The following DOK6 variants were observed in gnomAD, a reference collection of about 807,000 sequenced individuals.
DOK6 encodes the protein docking protein 6, also known as downstream of tyrosine kinase 6.
A neutral mutation model predicts 44.0 loss-of-function variants in DOK6; 22 were observed. The observed-to-expected ratio is 0.50, with a 90% CI of 0.36 to 0.71. The LOEUF (loss-of-function observed/expected upper bound fraction) is 0.71, where lower values mean the gene tolerates loss of function less well. Among genes scored for constraint, DOK6 ranks in the 30% least tolerant of loss-of-function variants. DOK6 has a pLI of 0.00. For synonymous variants in DOK6, 166 were observed against 145.5 expected (o/e 1.14, Z -1.01); for missense variants, 340 against 416.4 (o/e 0.82, Z 1.60).
chr18:69,693,312 G>GA (rs10554189), intron 4 of DOK6, among the ~76,000 whole-genome samples: 47,678 of 125,852 alleles, frequency 0.38, 9,120 homozygotes, highest in East Asian at 0.71. Flanking sequence ...CTTCTTTGAA[G>GA]AAAAAAAAAA....
chr18:69,652,834 G>T (rs138841947), intron 3 of DOK6, among the ~76,000 whole-genome samples: 1 of 151,908 alleles, frequency 6.6e-6, no homozygotes, highest in African/African-American at 2.4e-5. Flanking sequence ...TACTACATAG[G>T]CAAGCTTGAA....
intron 7 of DOK6, among the ~76,000 whole-genome samples, chr18:69,798,874 C>T (rs1980823387): frequency 6.6e-6 from 1 of 151,930 alleles, no homozygotes; most frequent in African/African-American, 2.4e-5. Context: ...TCCTTCATAG[C>T]AGAGAGGACG....
chr18:69,606,940 T>C (rs1331553811), intron 3 of DOK6, among the ~76,000 whole-genome samples: 1 of 152,034 alleles, frequency 6.6e-6, no homozygotes, highest in Non-Finnish European at 1.5e-5. Flanking sequence ...GTGTTAAAAA[T>C]AACAAAATAC....
intron 2 of DOK6, among the ~76,000 whole-genome samples, chr18:69,577,780 T>C (rs1983272753): frequency 6.6e-6 from 1 of 152,140 alleles, no homozygotes; most frequent in South Asian, 2.1e-4. Context: ...TCTGTAACAT[T>C]GTGATGTCTA....
chr18:69,836,949 C>T (rs926715183), intron 7 of DOK6, among the ~76,000 whole-genome samples: 4 of 152,134 alleles, frequency 2.6e-5, no homozygotes, highest in African/African-American at 9.7e-5. Context: ...AGAGTACTGA[C>T]TGAGGTATGC....
intron 7 of DOK6, among the ~76,000 whole-genome samples, chr18:69,790,496 A>G (rs1415411084): frequency 1.3e-5 from 2 of 152,218 alleles, no homozygotes; most frequent in Non-Finnish European, 2.9e-5. Flanking sequence ...GTTTATAATT[A>G]ATTATACAAT....
chr18:69,494,839 T>C (rs890105211), intron 1 of DOK6, among the ~76,000 whole-genome samples: 12 of 152,248 alleles, frequency 7.9e-5, no homozygotes, highest in Non-Finnish European at 1.6e-4. Flanking sequence ...GTGACGCATT[T>C]CTGGACAGAA....
intron 3 of DOK6, among the ~76,000 whole-genome samples, chr18:69,605,729 T>C (rs1346325514): frequency 1.3e-5 from 2 of 152,058 alleles, no homozygotes; most frequent in East Asian, 3.9e-4. Flanking sequence ...AAAAAATAGA[T>C]GGGAACTTCC....
chr18:69,767,279 A>G (rs1005313899), intron 7 of DOK6, among the ~76,000 whole-genome samples: 5 of 152,184 alleles, frequency 3.3e-5, no homozygotes, highest in Non-Finnish European at 7.3e-5. Context: ...TCTAGTTTTT[A>G]AGGTTTTAGA....
At chr18:69,571,729 A>C (rs111664508) in intron 2 of DOK6, among the ~76,000 whole-genome samples, 5 of 152,192 alleles carry the variant, frequency 3.3e-5, no homozygotes, top group African/African-American at 1.2e-4. Context: ...AAAATACATA[A>C]AGCAAATTTG....
chr18:69,472,032 G>T (rs1040597914), intron 1 of DOK6, among the ~76,000 whole-genome samples: 4 of 152,110 alleles, frequency 2.6e-5, no homozygotes, highest in Non-Finnish European at 5.9e-5. Context: ...ACTGTGGTCA[G>T]GGCTTTACAT....
At chr18:69,788,476 T>C (rs781684217) in intron 7 of DOK6, among the ~76,000 whole-genome samples, 4 of 152,186 alleles carry the variant, frequency 2.6e-5, no homozygotes, top group Admixed American at 2.0e-4. Context: ...TTATGCAGAA[T>C]GGAAGTTTTC....
At chr18:69,560,728 T>C (rs189448623) in intron 1 of DOK6, among the ~76,000 whole-genome samples, 5 of 152,272 alleles carry the variant, frequency 3.3e-5, no homozygotes, top group Admixed American at 3.3e-4. Context: ...GACTACCTTC[T>C]ATGCACTGCG....
chr18:69,717,525 G>C (rs1262428008), intron 5 of DOK6, among the ~76,000 whole-genome samples: 2 of 152,192 alleles, frequency 1.3e-5, no homozygotes, highest in African/African-American at 4.8e-5. Context: ...AATATAGTTT[G>C]TGACTCTGTT....
intron 6 of DOK6, among the ~76,000 whole-genome samples, chr18:69,752,378 A>G (rs1979212788): frequency 6.6e-6 from 1 of 152,318 alleles, no homozygotes; most frequent in East Asian, 1.9e-4. Context: ...TACATCAGCT[A>G]AAGTCCCTAG....
intron 2 of DOK6, among the ~76,000 whole-genome samples, chr18:69,579,861 G>C (rs1268093869): frequency 6.6e-6 from 1 of 152,044 alleles, no homozygotes. Context: ...TGGAGCGGTC[G>C]ATCCGCCCGC....
intron 1 of DOK6, among the ~76,000 whole-genome samples, chr18:69,455,156 C>CAAA (rs58451274): frequency 2.5e-4 from 29 of 117,344 alleles, no homozygotes; most frequent in Non-Finnish European, 3.0e-4. Flanking sequence ...ATAGCTATAG[C>CAAA]AAAAAAAAAA....
chr18:69,799,588 A>C (rs1216750686), intron 7 of DOK6, among the ~76,000 whole-genome samples: 2 of 152,146 alleles, frequency 1.3e-5, no homozygotes, highest in South Asian at 2.1e-4. Context: ...CAAGATCACA[A>C]AATGCCCCTA....
rs201839983 is a variant in DOK6, at chr18:69,676,970, G to GA, written c.290-755dup. Among the ~76,000 whole-genome samples the GA allele has an allele frequency of 9.2e-4, 137 of 149,578 alleles. No homozygotes were observed. The Middle Eastern group carries it at 0.01, about 11-fold the overall frequency. ...ATAAAGAAATTGGGAGGTAATCATA[G>GA]AAAAAAAAAGCAATGATCTAATCAA... On this transcript the variant is annotated intron_variant, in intron 3 of 7. Transcript: ENST00000382713.
Sources: allele counts gnomAD v4.1 joint callset (sites outside exome capture counted in the v4.1 genomes callset), GRCh38; gene constraint gnomAD v4.1.1; transcripts MANE v1.5; gene names NCBI Gene and HGNC (gene_info 2026-07-23, HGNC 2026-07-21).